Variants in XYLT1 observed in about 807,000 individuals in gnomAD.
XYLT1 encodes beta-D-xylosyltransferase 1.
A neutral mutation model predicts 91.3 loss-of-function variants in XYLT1; 36 were observed. That is an observed-to-expected ratio of 0.39 (90% confidence interval 0.30 to 0.52). The LOEUF is 0.52. Ranked by LOEUF, XYLT1 falls within the 20% of genes least tolerant of loss-of-function variation. XYLT1 has a pLI of 0.68. For missense variants in XYLT1, 1,242 were observed against 1,284.5 expected (o/e 0.97, Z 0.51); for synonymous variants, 588 against 532.0 (o/e 1.11, Z -1.45).
intron 2 of XYLT1, among the ~76,000 whole-genome samples, chr16:17,299,962 T>C (rs2034369812): frequency 6.6e-6 from 1 of 152,112 alleles, no homozygotes; most frequent in African/African-American, 2.4e-5. Flanking sequence ...AGGCTTTCTG[T>C]TAATGAGATG....
intron 2 of XYLT1, among the ~76,000 whole-genome samples, chr16:17,297,938 G>A (rs556512941): frequency 1.2e-4 from 18 of 151,916 alleles, no homozygotes; most frequent in African/African-American, 3.1e-4. Context: ...GGAGAATGGC[G>A]TGAACCCGGG....
At chr16:17,123,809 G>T (rs1027749765) in intron 10 of XYLT1, among the ~76,000 whole-genome samples, 3 of 152,124 alleles carry the variant, frequency 2.0e-5, no homozygotes, top group African/African-American at 4.8e-5. Context: ...GTATTGTTTT[G>T]GGAGCCCCAG....
At chr16:17,340,142 TCCGCCCATCCCTCCATCCAA>T (rs67639804) in intron 2 of XYLT1, among the ~76,000 whole-genome samples, 63,295 of 151,656 alleles carry the variant, frequency 0.42, 14,236 homozygotes, top group Admixed American at 0.51. Context: ...CCTCTATCCA[TCCGCCCATCCCTCCATCCAA>T]CATATATCCA....
intron 2 of XYLT1, among the ~76,000 whole-genome samples, chr16:17,304,373 TC>T (rs572458545): frequency 5.3e-5 from 8 of 152,110 alleles, no homozygotes; most frequent in Admixed American, 1.3e-4. Context: ...TTTTTCCCCC[TC>T]CTTCCTCCCC....
intron 5 of XYLT1, among the ~76,000 whole-genome samples, chr16:17,165,535 A>C (rs2031658200): frequency 6.6e-6 from 1 of 152,182 alleles, no homozygotes; most frequent in East Asian, 1.9e-4. Context: ...AAATACAAAA[A>C]AAAAAAAATT....
chr16:17,320,298 G>A (rs1296325933), intron 2 of XYLT1, among the ~76,000 whole-genome samples: 1 of 152,052 alleles, frequency 6.6e-6, no homozygotes, highest in Non-Finnish European at 1.5e-5. Flanking sequence ...GCTTGATGAG[G>A]GGATGGGTGA....
At chr16:17,405,183 G>A (rs899308885) in intron 1 of XYLT1, among the ~76,000 whole-genome samples, 1 of 152,186 alleles carries the variant, frequency 6.6e-6, no homozygotes, top group Non-Finnish European at 1.5e-5. Context: ...TGAATGTGGC[G>A]CTTGTCAGCT....
rs376018455 is a variant in XYLT1 at position 17,131,869 on chromosome 16, T to C, written c.2027+2604A>G. Among the ~76,000 whole-genome samples, 101 of 152,306 alleles carry C rather than the reference T, an allele frequency of 6.6e-4. 2 individuals carry two copies. In the South Asian group the frequency reaches 0.021, roughly 31 times the overall value. Reference sequence around the variant, plus strand: ...TCTTCTGCCTTTTGGGATAAGGGTCTTTTGTCCTGATTTATTTTCAGGCTC... The same window carrying C: ...TCTTCTGCCTTTTGGGATAAGGGTCCTTTGTCCTGATTTATTTTCAGGCTC... On this transcript the variant is annotated intron_variant, in intron 9 of 11. Coordinates refer to ENST00000261381, the MANE Select transcript of XYLT1 (RefSeq NM_022166.4).
chr16:17,129,464 G>C (rs886229439), intron 9 of XYLT1, among the ~76,000 whole-genome samples: 1 of 152,098 alleles, frequency 6.6e-6, no homozygotes, highest in Admixed American at 6.5e-5. Context: ...GTTTCACCAT[G>C]TTGGCCAGGC....
chr16:17,290,667 A>G (rs11861415), intron 2 of XYLT1, among the ~76,000 whole-genome samples: 57,009 of 152,152 alleles, frequency 0.37, 11,731 homozygotes, highest in African/African-American at 0.55. Context: ...TGGAATAATC[A>G]CTACTAACAT....
rs2034839483 is a variant in XYLT1, at chr16:17,328,070, A to G, written c.402+29942T>C. On this transcript the variant is annotated intron_variant, in intron 2 of 11. Coordinates refer to ENST00000261381, the MANE Select transcript of XYLT1 (RefSeq NM_022166.4). ...GAATTAATTGCAGGAGTAAACAACC[A>G]CAGACCACGTAACCTCCCTTTCACA... 2.0e-5 allele frequency among the ~76,000 whole-genome samples: 3 copies of G among 152,108 alleles called. No individual in the cohort carries two copies. In the South Asian group the frequency reaches 6.2e-4, roughly 32 times the overall value.
chr16:17,165,840 G>A (rs1026556738), intron 5 of XYLT1, among the ~76,000 whole-genome samples: 7 of 152,204 alleles, frequency 4.6e-5, no homozygotes, highest in African/African-American at 1.7e-4. Context: ...ATAGGTTTCT[G>A]TAGGATCAAA....
intron 1 of XYLT1, among the ~76,000 whole-genome samples, chr16:17,450,480 A>C (rs1022163728): frequency 6.6e-6 from 1 of 152,240 alleles, no homozygotes. Flanking sequence ...TACACATGGA[A>C]GTGGGAAAGG....
chr16:17,361,015 G>C (rs958912483), intron 1 of XYLT1, among the ~76,000 whole-genome samples: 3 of 152,166 alleles, frequency 2.0e-5, no homozygotes, highest in Non-Finnish European at 4.4e-5. Context: ...CACTGAATTG[G>C]TGGCCCTCAT....
chr16:17,307,448 A>G (rs1209209213), intron 2 of XYLT1, among the ~76,000 whole-genome samples: 1 of 152,214 alleles, frequency 6.6e-6, no homozygotes, highest in Non-Finnish European at 1.5e-5. Context: ...TTTTCATTAC[A>G]GGAGTCATCT....
chr16:17,115,299 C>A (rs1966849519), intron 11 of XYLT1, among the ~76,000 whole-genome samples: 1 of 81,600 alleles, frequency 1.2e-5, no homozygotes, highest in Non-Finnish European at 2.4e-5. Flanking sequence ...GACCACACAA[C>A]CACAAAAATA....
At chr16:17,335,584 C>T (rs1043479343) in intron 2 of XYLT1, among the ~76,000 whole-genome samples, 2 of 151,650 alleles carry the variant, frequency 1.3e-5, no homozygotes, top group South Asian at 4.2e-4. Flanking sequence ...ATCACAGCTA[C>T]TCAGGAGGGT....
chr16:17,218,238 C>T (rs1446909443), intron 3 of XYLT1, among the ~76,000 whole-genome samples: 1 of 151,932 alleles, frequency 6.6e-6, no homozygotes, highest in Non-Finnish European at 1.5e-5. Context: ...AGCCTAGTGA[C>T]AGAGTGAGGC....
At chr16:17,418,087 C>A (rs1415410075) in intron 1 of XYLT1, among the ~76,000 whole-genome samples, 1 of 152,208 alleles carries the variant, frequency 6.6e-6, no homozygotes, top group Non-Finnish European at 1.5e-5. Flanking sequence ...AAGAAAGAAC[C>A]ATCCAGCCAC....
Sources: gnomAD v4.1 joint callset for allele counts (sites outside exome capture counted in the v4.1 genomes callset) on GRCh38, gnomAD v4.1.1 for gene constraint, MANE v1.5 for transcripts, NCBI Gene and HGNC (gene_info 2026-07-23, HGNC 2026-07-21) for gene names.